SCFD2: variants seen among roughly 807,000 people sequenced by gnomAD.
The protein encoded by SCFD2 is sec1 family domain-containing protein 2.
SCFD2 carries 54 observed loss-of-function variants against 58.9 expected under a neutral mutation model. The ratio of observed to expected loss-of-function variants is 0.92; its 90% confidence interval spans 0.74 to 1.15. SCFD2 has a LOEUF of 1.15. Ranked by LOEUF, SCFD2 falls within the 50% of genes most tolerant of loss-of-function variation. The probability of loss-of-function intolerance (pLI) is 0.00; values close to 1 mark genes in which losing one functional copy is unlikely to be tolerated. For synonymous variants in SCFD2, 321 were observed against 335.9 expected, an observed-to-expected ratio of 0.96 and a Z score of 0.49; for missense variants, 805 against 836.6, an observed-to-expected ratio of 0.96 and a Z score of 0.47.
At chr4:53,190,691 TG>T (rs1254978970) in intron 4 of SCFD2, among the ~76,000 whole-genome samples, 1 of 152,246 alleles carries the variant, frequency 6.6e-6, no homozygotes, top group Non-Finnish European at 1.5e-5. Context: ...GTCTGTTTTT[TG>T]TTCTCTGTTG....
At chr4:53,246,602 C>A (rs747867802) in intron 4 of SCFD2, among the ~76,000 whole-genome samples, 2 of 152,146 alleles carry the variant, frequency 1.3e-5, no homozygotes, top group African/African-American at 4.8e-5. Flanking sequence ...GGGGAAAGAA[C>A]TCCCTATTCA....
chr4:53,337,371 T>TA (rs1733717854), intron 2 of SCFD2, among the ~76,000 whole-genome samples: 1 of 152,334 alleles, frequency 6.6e-6, no homozygotes. Context: ...TTAATGGGCT[T>TA]ATCTCAAAAT....
intron 5 of SCFD2, among the ~76,000 whole-genome samples, chr4:52,999,340 T>C (rs1721813636): frequency 6.6e-6 from 1 of 152,212 alleles, no homozygotes; most frequent in African/African-American, 2.4e-5. Flanking sequence ...AATGAATTCA[T>C]TTGTATTCCA....
intron 2 of SCFD2, among the ~76,000 whole-genome samples, chr4:53,323,706 T>C (rs1733094794): frequency 6.6e-6 from 1 of 151,892 alleles, no homozygotes; most frequent in Admixed American, 6.6e-5. Flanking sequence ...AGTCAACCTG[T>C]AAAAAATATT....
At chr4:53,032,142 C>A (rs1455532887) in intron 5 of SCFD2, among the ~76,000 whole-genome samples, 1 of 152,174 alleles carries the variant, frequency 6.6e-6, no homozygotes, top group African/African-American at 2.4e-5. Context: ...ATTCAACATT[C>A]TTAAAGAAAA....
intron 4 of SCFD2, among the ~76,000 whole-genome samples, chr4:53,248,174 G>GA (rs982541929): frequency 1.3e-5 from 2 of 152,192 alleles, no homozygotes; most frequent in Admixed American, 6.5e-5. Flanking sequence ...ACGGCACCTT[G>GA]AAAATCGGGC....
intron 5 of SCFD2, among the ~76,000 whole-genome samples, chr4:52,989,110 A>C (rs1375743380): frequency 6.6e-6 from 1 of 152,226 alleles, no homozygotes; most frequent in Non-Finnish European, 1.5e-5. Context: ...CAGGGAGTCC[A>C]GACTCCCACC....
chr4:52,988,506 T>G (rs1721548712), intron 5 of SCFD2, among the ~76,000 whole-genome samples: 2 of 152,216 alleles, frequency 1.3e-5, no homozygotes, highest in African/African-American at 4.8e-5. Context: ...TGATGAAGTC[T>G]GAGGGAGAAT....
At chr4:52,925,191 C>T (rs1452125091) in intron 5 of SCFD2, among the ~76,000 whole-genome samples, 1 of 151,960 alleles carries the variant, frequency 6.6e-6, no homozygotes, top group Non-Finnish European at 1.5e-5. Context: ...CCCTTACAGT[C>T]TAACTCCAAA....
At chr4:53,161,656 GT>G (rs1726855202) in intron 4 of SCFD2, among the ~76,000 whole-genome samples, 1 of 152,102 alleles carries the variant, frequency 6.6e-6, no homozygotes, top group Admixed American at 6.6e-5. Context: ...GCTGTTTTCT[GT>G]AAACAGGCCA....
At chr4:52,951,783 C>G (rs1317322611) in intron 5 of SCFD2, among the ~76,000 whole-genome samples, 1 of 152,154 alleles carries the variant, frequency 6.6e-6, no homozygotes, top group Non-Finnish European at 1.5e-5. Context: ...CAGCCTGGAT[C>G]TTTGAGAAAG....
chr4:53,286,076 CCACATT>C (rs1239954156), intron 3 of SCFD2, among the ~76,000 whole-genome samples: 2 of 152,246 alleles, frequency 1.3e-5, no homozygotes, highest in African/African-American at 4.8e-5. Flanking sequence ...CATTGTTGCA[CCACATT>C]CACGTACACA....
chr4:53,341,209 A>G (rs1733860416), intron 2 of SCFD2, among the ~76,000 whole-genome samples: 2 of 152,222 alleles, frequency 1.3e-5, no homozygotes, highest in Admixed American at 1.3e-4. Context: ...AAAACCTTGA[A>G]AAAAGATTAG....
intron 4 of SCFD2, among the ~76,000 whole-genome samples, chr4:53,162,996 C>A (rs1477341658): frequency 6.6e-6 from 1 of 152,104 alleles, no homozygotes; most frequent in Non-Finnish European, 1.5e-5. Context: ...GTGGCTGAGG[C>A]CTCCAGCTAC....
intron 5 of SCFD2, among the ~76,000 whole-genome samples, chr4:53,101,153 A>G (rs1016426029): frequency 2.6e-5 from 4 of 152,186 alleles, no homozygotes; most frequent in African/African-American, 7.2e-5. Context: ...CATGCATTAT[A>G]AAGAGGATTG....
chr4:53,106,943 A>G (rs1725020674), intron 5 of SCFD2, among the ~76,000 whole-genome samples: 1 of 152,204 alleles, frequency 6.6e-6, no homozygotes, highest in Non-Finnish European at 1.5e-5. Flanking sequence ...CCAAAATTGA[A>G]ACGAAGGAAA....
At chr4:53,299,562 G>A (rs1732191254) in intron 3 of SCFD2, among the ~76,000 whole-genome samples, 1 of 151,890 alleles carries the variant, frequency 6.6e-6, no homozygotes, top group Non-Finnish European at 1.5e-5. Flanking sequence ...ATCTAGCAAG[G>A]CAGGCCAACA....
intron 5 of SCFD2, among the ~76,000 whole-genome samples, chr4:53,013,491 G>A (rs186627223): frequency 6.6e-6 from 1 of 152,254 alleles, no homozygotes; most frequent in East Asian, 1.9e-4. Context: ...ATTTTGCCAT[G>A]TGGCTTTTTT....
Position 53,352,732 on chromosome 4 carries a change from C to T in SCFD2, c.873G>A (p.Glu291=). ...GCTGGGGAAGTGCTGAAATGATCTTCTCTACTAAGTTGTCTCCATGATGTC... is the reference window on the plus strand; with the variant it reads ...GCTGGGGAAGTGCTGAAATGATCTTTTCTACTAAGTTGTCTCCATGATGTC... The part of the protein sequence containing the change: ...AVGHHGDNLV[E]KIISALPQLP... The change falls in exon 2 of 9, where the codon GAG becomes GAA. Residue 291 remains glutamate (E), a synonymous_variant. Coordinates refer to ENST00000401642, the MANE Select transcript of SCFD2 (RefSeq NM_152540.4). 1 of 1,614,142 alleles carries T rather than the reference C, an allele frequency of 6.2e-7. No homozygotes were observed.
Sources: allele counts gnomAD v4.1 joint callset (sites outside exome capture counted in the v4.1 genomes callset), GRCh38; gene constraint gnomAD v4.1.1; transcripts MANE v1.5; gene names NCBI Gene and HGNC (gene_info 2026-07-23, HGNC 2026-07-21).